Variants in CCNJL observed in about 807,000 individuals in gnomAD.
The protein encoded by CCNJL is cyclin-J-like protein.
Under a neutral mutation model 33.4 loss-of-function variants are expected in CCNJL, and 33 were observed. That is an observed-to-expected ratio of 0.99 (90% CI 0.75 to 1.32). CCNJL has a LOEUF of 1.32. Among genes scored for constraint, CCNJL ranks in the 40% most tolerant of loss-of-function variants. CCNJL has a pLI of 0.00. For missense variants in CCNJL, 512 were observed against 499.7 expected (o/e 1.02, Z -0.23); for synonymous variants, 227 against 220.9 (o/e 1.03, Z -0.24).
intron 1 of CCNJL, among the ~76,000 whole-genome samples, chr5:160,332,553 G>A (rs1366435296): frequency 6.6e-6 from 1 of 151,940 alleles, no homozygotes; most frequent in Non-Finnish European, 1.5e-5. Flanking sequence ...TTCTCCCACG[G>A]TCCCCACCCT....
intron 2 of CCNJL, chr5:160,280,940 AT>A: frequency 1.5e-6 from 1 of 681,784 alleles, no homozygotes; most frequent in Non-Finnish European, 2.7e-6. Context: ...CTCATAAAGT[AT>A]CAAGGACCTA....
chr5:160,301,069 C>T (rs1762904692), intron 2 of CCNJL, among the ~76,000 whole-genome samples: 1 of 152,158 alleles, frequency 6.6e-6, no homozygotes, highest in South Asian at 2.1e-4. Context: ...AGCATACTGA[C>T]AGATATAAAT....
At position 160,304,077 on chromosome 5, in the gene CCNJL, T is replaced by C. The variant is rs906359791; in HGVS notation, c.66+7781A>G. Among the ~76,000 whole-genome samples the C allele has an allele frequency of 7.2e-5, 11 of 152,282 alleles. No individual in the cohort carries two copies. In the South Asian group the frequency reaches 1.0e-3, roughly 14 times the overall value. On this transcript the variant is annotated intron_variant, in intron 2 of 5. Transcript: ENST00000257536. Reference sequence around the variant, plus strand: ...ACCTGGGTGGCAGGTGGGGCAGGGATTGCTGTCGTGATTTTGCAGAGGAAA... The same window carrying C: ...ACCTGGGTGGCAGGTGGGGCAGGGACTGCTGTCGTGATTTTGCAGAGGAAA...
Position 160,258,550 on chromosome 5 carries a change from C to A in CCNJL, c.583+919G>T, listed in dbSNP as rs187263994. On this transcript the variant is annotated intron_variant, in intron 4 of 5. Coordinates refer to ENST00000257536, the MANE Select transcript of CCNJL (RefSeq NM_001308173.3). ...TGAACCGTATCTGAAAGAGGTTATT[C>A]GGGAAAGAAAAGAAAGAGCAGAATG... 10 of 1,520,094 alleles carry A rather than the reference C, an allele frequency of 6.6e-6. No homozygotes were observed. The East Asian group carries it at 2.3e-4, about 34-fold the overall frequency. 94.2% of individuals were successfully genotyped at this position (1,520,094 alleles called of 1,614,324 possible).
At chr5:160,314,195 G>A (rs1581016577), upstream of CCNJL, among the ~76,000 whole-genome samples, 2 of 152,128 alleles carry the variant, frequency 1.3e-5, no homozygotes, top group East Asian at 3.8e-4. Context: ...AAAAAAACTG[G>A]GGGGACAGAC....
At chr5:160,305,998 G>C (rs370720839) in intron 2 of CCNJL, among the ~76,000 whole-genome samples, 2 of 152,168 alleles carry the variant, frequency 1.3e-5, no homozygotes, top group East Asian at 1.9e-4. Context: ...ATGTGGCCGG[G>C]AACAGTGGCT....
At chr5:160,299,531 A>G (rs1762858343) in intron 2 of CCNJL, among the ~76,000 whole-genome samples, 1 of 152,152 alleles carries the variant, frequency 6.6e-6, no homozygotes, top group African/African-American at 2.4e-5. Context: ...CATTTCTGAG[A>G]CAACAGAGGA....
At chr5:160,277,152 A>C (rs1362658908) in intron 3 of CCNJL, among the ~76,000 whole-genome samples, 1 of 152,100 alleles carries the variant, frequency 6.6e-6, no homozygotes, top group Non-Finnish European at 1.5e-5. Flanking sequence ...CACAAACACA[A>C]CCCCACACTA....
Position 160,269,835 on chromosome 5 carries a change from A to C in CCNJL, c.281-10064T>G, listed in dbSNP as rs186527429. On this transcript the variant is annotated intron_variant, in intron 3 of 5. Transcript: ENST00000257536. Reference sequence around the variant, plus strand: ...GGCTGAGAACCACTGAGTCAACCCCAAGGTGACAACCTGTGTCCCCATTAC... The same window carrying C: ...GGCTGAGAACCACTGAGTCAACCCCCAGGTGACAACCTGTGTCCCCATTAC... Among the ~76,000 whole-genome samples, 15 of 152,314 alleles carry C rather than the reference A, an allele frequency of 9.8e-5. No individual in the cohort carries two copies. In the East Asian group the frequency reaches 2.7e-3, roughly 27 times the overall value.
intron 1 of CCNJL, among the ~76,000 whole-genome samples, chr5:160,321,058 CTTTCTTTCTTTCTTTCTTT>C (rs1763453502): frequency 8.3e-6 from 1 of 120,790 alleles, no homozygotes; most frequent in Non-Finnish European, 1.6e-5. Context: ...TTCTTTCTTT[CTTTCTTTCTTTCTTTCTTT>C]CTTTCTTTCT....
chr5:160,312,121 G>C, intron 1 of CCNJL, 149 bp from the exon 2 acceptor site: 1 of 605,468 alleles, frequency 1.7e-6, no homozygotes, highest in East Asian at 2.8e-5. Flanking sequence ...TCTGGTCCGC[G>C]GAAGGCTGCG....
chr5:160,269,312 G>A (rs1461175374), intron 3 of CCNJL: 3 of 428,196 alleles, frequency 7.0e-6, no homozygotes, highest in South Asian at 5.0e-5. Flanking sequence ...CAGGGCCTGC[G>A]GGGTGGGGGC....
At chr5:160,289,867 C>G (rs769412646) in intron 2 of CCNJL, among the ~76,000 whole-genome samples, 1 of 152,172 alleles carries the variant, frequency 6.6e-6, no homozygotes, top group Non-Finnish European at 1.5e-5. Flanking sequence ...TGGGCTCAGA[C>G]GTGCCCGGGA....
At chr5:160,256,829 A>T (rs1438091865) in intron 4 of CCNJL, among the ~76,000 whole-genome samples, 1 of 151,602 alleles carries the variant, frequency 6.6e-6, no homozygotes, top group African/African-American at 2.4e-5. Flanking sequence ...GAGGCAGGAG[A>T]ATCGCTTGAA....
intron 2 of CCNJL, among the ~76,000 whole-genome samples, chr5:160,289,837 A>C (rs1220957601): frequency 6.6e-6 from 1 of 152,080 alleles, no homozygotes; most frequent in East Asian, 1.9e-4. Context: ...CAGAGTGACA[A>C]ACACTTCCCA....
intron 1 of CCNJL, among the ~76,000 whole-genome samples, chr5:160,331,576 C>A (rs890154520): frequency 6.6e-6 from 1 of 152,192 alleles, no homozygotes; most frequent in African/African-American, 2.4e-5. Flanking sequence ...CTCTTCTCAC[C>A]TTTTCCAGAT....
At chr5:160,320,807 TTC>T (rs989929456) in intron 1 of CCNJL, among the ~76,000 whole-genome samples, 2 of 84,402 alleles carry the variant, frequency 2.4e-5, no homozygotes, top group Non-Finnish European at 5.3e-5. Context: ...CTTTCTTTCT[TTC>T]TTTCTTTCTT....
chr5:160,271,940 T>C (rs1761850643), intron 3 of CCNJL, among the ~76,000 whole-genome samples: 1 of 152,234 alleles, frequency 6.6e-6, no homozygotes, highest in Admixed American at 6.5e-5. Context: ...CGCTGCCACG[T>C]TTCCTTGAAG....
At position 160,290,948 on chromosome 5, in the gene CCNJL, C is replaced by T. The variant is rs549308845; in HGVS notation, c.67-10210G>A. Among the ~76,000 whole-genome samples the T allele has an allele frequency of 4.1e-5, 6 of 147,102 alleles. No homozygotes were observed. The South Asian group carries it at 6.4e-4, about 16-fold the overall frequency. ...CAGGGGCTGGGTGCAGTGACTCACA[C>T]CAGTAATTGCAACACTTTGGGAGGC... On this transcript the variant is annotated intron_variant, in intron 2 of 5. Transcript: ENST00000257536.
Sources: allele counts gnomAD v4.1 joint callset (sites outside exome capture counted in the v4.1 genomes callset), GRCh38; gene constraint gnomAD v4.1.1; transcripts MANE v1.5; gene names NCBI Gene and HGNC (gene_info 2026-07-23, HGNC 2026-07-21).